The following ZSCAN18 variants were observed in gnomAD, a reference collection of about 807,000 sequenced individuals.
ZSCAN18 encodes zinc finger and SCAN domain-containing protein 18.
A neutral mutation model predicts 31.1 loss-of-function variants in ZSCAN18; 16 were observed. The observed-to-expected ratio is 0.51, with a 90% CI of 0.35 to 0.78. The LOEUF (loss-of-function observed/expected upper bound fraction) is 0.78. ZSCAN18 is among the 30% of genes least tolerant of loss of function. The pLI, the probability that ZSCAN18 is intolerant of heterozygous loss-of-function variation, is 0.01. For missense variants in ZSCAN18, 731 were observed against 697.4 expected, an observed-to-expected ratio of 1.05 and a Z score of -0.54; for synonymous variants, 375 against 320.7, an observed-to-expected ratio of 1.17 and a Z score of -1.81.
Position 58,116,446 on chromosome 19 carries a change from C to G in ZSCAN18, c.130+1821G>C, listed in dbSNP as rs146735633. Among the ~76,000 whole-genome samples the G allele has an allele frequency of 1.0e-3, 154 of 152,048 alleles. No individual in the cohort carries two copies. The South Asian group carries it at 0.011, about 11-fold the overall frequency. On this transcript the variant is annotated intron_variant, in intron 1 of 1. Coordinates refer to the ZSCAN18 transcript ENST00000595721. ...ACCTCCACCTCACAGAGTAGGCATT[C>G]TGGTATGGGAATAGGCAAAGAACTG...
chr19:58,092,788 TTTA>T, intron 1 of ZSCAN18: 1 of 904,316 alleles, frequency 1.1e-6, no homozygotes, highest in Non-Finnish European at 1.3e-6. Context: ...TTTTTTTTTT[TTTA>T]AACACAGGGT....
chr19:58,108,938 C>A, intron 1 of ZSCAN18: 1 of 1,071,094 alleles, frequency 9.3e-7, no homozygotes, highest in Non-Finnish European at 1.1e-6. Flanking sequence ...AGAATTTGAC[C>A]GTTAGAGCCT....
At chr19:58,101,752 T>G (rs1222269346), upstream of ZSCAN18, among the ~76,000 whole-genome samples, 1 of 151,060 alleles carries the variant, frequency 6.6e-6, no homozygotes, top group Non-Finnish European at 1.5e-5. Flanking sequence ...ACTCTTGACC[T>G]CAGGTGATTC....
intron 1 of ZSCAN18, chr19:58,108,340 C>T (rs1297187548): frequency 1.4e-5 from 14 of 985,344 alleles, no homozygotes; most frequent in Non-Finnish European, 1.7e-5. Flanking sequence ...TCATTACATT[C>T]GAATAGTTTT....
chr19:58,101,809 C>T (rs573735184), upstream of ZSCAN18, among the ~76,000 whole-genome samples: 47 of 151,848 alleles, frequency 3.1e-4, no homozygotes, highest in Middle Eastern at 3.4e-3. Context: ...TGTGAGCCAC[C>T]GCACCCAGCC....
chr19:58,086,169 C>T lies in ZSCAN18; in HGVS notation c.838+5G>A. The T allele has an allele frequency of 1.2e-6, 2 of 1,613,992 alleles. No individual in the cohort carries two copies. Among genetic ancestry groups the T allele is most frequent in the South Asian group, 1.1e-5 (1 of 91,072 alleles). ...GGCCCTAACACCAATTCAACCCAAC[C>T]TCACCTGGGAGGCTGCTTCCTTGTG... On this transcript the variant is annotated splice_donor_5th_base_variant and intron_variant, in intron 6 of 6. Transcript: ENST00000601144.
intron 4 of ZSCAN18, 80 bp downstream of exon 4, chr19:58,087,236 T>C: frequency 3.5e-6 from 5 of 1,421,140 alleles, no homozygotes; most frequent in Non-Finnish European, 2.9e-6. Context: ...CACAGCCCTC[T>C]GCTGAGCACT....
upstream of ZSCAN18, chr19:58,098,490 T>G: frequency 1.6e-6 from 1 of 614,336 alleles, no homozygotes; most frequent in Non-Finnish European, 2.0e-6. Flanking sequence ...ACAAAGACGG[T>G]GAGAAACGGA....
At chr19:58,115,496 G>T (rs1411886097) in intron 1 of ZSCAN18, among the ~76,000 whole-genome samples, 2 of 152,158 alleles carry the variant, frequency 1.3e-5, no homozygotes, top group East Asian at 3.8e-4. Context: ...TCTTCACAGA[G>T]AATCATTTTG....
intron 1 of ZSCAN18, among the ~76,000 whole-genome samples, chr19:58,091,265 CAA>C (rs5828749): frequency 0.013 from 1,468 of 115,992 alleles, 15 homozygotes; most frequent in African/African-American, 0.04. Flanking sequence ...GACTCTGTCT[CAA>C]AAAAAAAAAA....
upstream of ZSCAN18, among the ~76,000 whole-genome samples, chr19:58,102,678 AAT>A (rs1391307320): frequency 2.8e-5 from 4 of 141,038 alleles, no homozygotes; most frequent in South Asian, 9.4e-4. Context: ...CGGATATGTC[AAT>A]GTTAATTGTC....
Position 58,084,779 on chromosome 19 carries a change from G to T in ZSCAN18, c.1439C>A (p.Ser480Tyr). Residue 480 changes from serine to tyrosine, a missense_variant, in exon 7 of 7, where the codon TCC (serine) becomes TAC (tyrosine). Physicochemically the swap from Ser to Tyr is moderately radical, Grantham distance 144. Coordinates refer to ENST00000601144, the MANE Select transcript of ZSCAN18 (RefSeq NM_001145543.2). The surrounding 1 kb of genome is among the most constrained non-coding windows in gnomAD (Gnocchi z 4.5). ...ALGGARGPQP[S>Y]TREAQAGARA... ...AGCCCCCGCCTGGGCTTCGCGGGTGGACGGTTGGGGGCCCCGGGCGCCCCC... is the reference window on the plus strand; with the variant it reads ...AGCCCCCGCCTGGGCTTCGCGGGTGTACGGTTGGGGGCCCCGGGCGCCCCC... The T allele has an allele frequency of 6.3e-7, 1 of 1,576,112 alleles. No individual in the cohort carries two copies. The highest frequency in any genetic ancestry group is 1.1e-5 in the South Asian group (1 of 87,696).
chr19:58,100,667 T>C (rs569299799), upstream of ZSCAN18, among the ~76,000 whole-genome samples: 1 of 104,690 alleles, frequency 9.6e-6, no homozygotes, highest in East Asian at 2.7e-4. Flanking sequence ...CCCAGCACTC[T>C]AGGAGGCCAG....
intron 1 of ZSCAN18, among the ~76,000 whole-genome samples, chr19:58,093,926 A>G (rs117993603): frequency 0.067 from 10,201 of 151,752 alleles, 591 homozygotes; most frequent in East Asian, 0.2. Context: ...CCCCATGCCT[A>G]GCTAATTTTT....
chr19:58,090,580 T>TC lies in ZSCAN18; in HGVS notation c.-119-195_-119-194insG. ...CATGTAAATGGAGGGTAACTCATTC[T>TC]GTGCATTACCAGAATTTTTTTTTCT... On this transcript the variant is annotated intron_variant, in intron 1 of 6. Transcript: ENST00000601144. The surrounding 1 kb of genome is among the most constrained non-coding windows in gnomAD (Gnocchi z 4.7). 1.9e-6 allele frequency: 1 copy of TC among 513,696 alleles called. No homozygotes were observed. Among genetic ancestry groups the TC allele is most frequent in the East Asian group, 3.2e-5 (1 of 31,702 alleles). The allele number at this position is 513,696 out of a possible 1,614,324, so 31.8% of individuals were successfully genotyped here.
intron 1 of ZSCAN18, among the ~76,000 whole-genome samples, chr19:58,117,483 G>A (rs1260250764): frequency 6.6e-6 from 1 of 152,148 alleles, no homozygotes; most frequent in African/African-American, 2.4e-5. Flanking sequence ...CAACCCTAAA[G>A]GGGCAGAGGA....
At chr19:58,116,763 G>A (rs139281582) in intron 1 of ZSCAN18, among the ~76,000 whole-genome samples, 232 of 152,364 alleles carry the variant, frequency 1.5e-3, no homozygotes, top group African/African-American at 5.1e-3. Context: ...TAAGGAGAGT[G>A]TTTAGAGGAC....
chr19:58,087,016 A>G lies in ZSCAN18; in HGVS notation c.643-8T>C. ...TGGAAAGGACTTCAGCTTCTGAAAC[A>G]TTAGTCGTGGCTGAGACCTCCCACC... On this transcript the variant is annotated splice_polypyrimidine_tract_variant and splice_region_variant and intron_variant, in intron 4 of 6. Coordinates refer to ENST00000601144, the MANE Select transcript of ZSCAN18 (RefSeq NM_001145543.2). 1 of 1,610,166 alleles carries G rather than the reference A, an allele frequency of 6.2e-7. No individual in the cohort carries two copies. The highest frequency in any genetic ancestry group is 8.5e-7 in the Non-Finnish European group (1 of 1,177,212).
chr19:58,118,168 C>T (rs1451785059), intron 1 of ZSCAN18: 9 of 532,248 alleles, frequency 1.7e-5, no homozygotes, highest in Non-Finnish European at 2.8e-5. Context: ...CCCTAACAAG[C>T]CCCTGCCCAG....
Sources: gnomAD v4.1 joint callset for allele counts (sites outside exome capture counted in the v4.1 genomes callset) on GRCh38, gnomAD v4.1.1 for gene constraint, Gnocchi (gnomAD v3.1) non-coding constraint, MANE v1.5 for transcripts, NCBI Gene and HGNC (gene_info 2026-07-23, HGNC 2026-07-21) for gene names.